NAA60: variants seen among roughly 807,000 people sequenced by gnomAD.
The protein encoded by NAA60 is N-alpha-acetyltransferase 60, NatF catalytic subunit.
NAA60 carries 8 observed loss-of-function variants against 26.1 expected under a neutral mutation model. That is an observed-to-expected ratio of 0.31 (90% confidence interval 0.18 to 0.55). NAA60 has a LOEUF of 0.55. NAA60 is among the 20% of genes least tolerant of loss of function. NAA60 has a pLI of 0.93. For missense variants in NAA60, 290 were observed against 311.3 expected (o/e 0.93, Z 0.51); for synonymous variants, 131 against 122.5 (o/e 1.07, Z -0.46).
At chr16:3,444,601 C>A (rs1317506099) in intron 1 of NAA60, among the ~76,000 whole-genome samples, 1 of 152,062 alleles carries the variant, frequency 6.6e-6, no homozygotes, top group Non-Finnish European at 1.5e-5. Context: ...GATTTGACAA[C>A]TTAGGTAATG....
chr16:3,482,712 C>G, intron 5 of NAA60, 114 bp downstream of exon 5: 1 of 747,220 alleles, frequency 1.3e-6, no homozygotes, highest in Non-Finnish European at 2.2e-6. Context: ...GGCTCGTGAA[C>G]ATCCCTCAGT....
At chr16:3,471,452 G>A (rs1465641427) in intron 2 of NAA60, among the ~76,000 whole-genome samples, 2 of 152,100 alleles carry the variant, frequency 1.3e-5, no homozygotes, top group South Asian at 2.1e-4. Context: ...GCAGTGAACC[G>A]AGATCGCGCC....
At chr16:3,444,031 G>GCAAC in intron 1 of NAA60, 194 bp downstream of exon 1, 3 of 1,102,728 alleles carry the variant, frequency 2.7e-6, no homozygotes, top group Non-Finnish European at 3.5e-6. Context: ...AGGCCAGGTT[G>GCAAC]CTGGACTCTG....
At chr16:3,448,734 G>C in intron 2 of NAA60, 194 bp downstream of exon 2, 1 of 542,124 alleles carries the variant, frequency 1.8e-6, no homozygotes, top group Non-Finnish European at 3.3e-6. Context: ...ATATTCTTAC[G>C]TTAGGTACAC....
chr16:3,479,584 C>A lies in NAA60; in HGVS notation c.224C>A (p.Thr75Asn), dbSNP rs1231614501. 1 of 1,613,950 alleles carries A rather than the reference C, an allele frequency of 6.2e-7. No homozygotes were observed. Among genetic ancestry groups the A allele is most frequent in the Non-Finnish European group, 8.5e-7 (1 of 1,179,866 alleles). Residue 75 changes from threonine (T) to asparagine (N), a missense_variant, in exon 4 of 8, where the codon ACC becomes AAC. By Grantham distance (65) the Thr-to-Asn change is moderately conservative. Coordinates refer to ENST00000407558, the MANE Select transcript of NAA60 (RefSeq NM_001083601.3). ...ATAGTAGCTGAAATTAAGAACAGGA[C>A]CAAAATACATAAAGAGGTACGTACG... ...GMIVAEIKNR[T>N]KIHKEDGDIL... is the part of the protein sequence containing the mutation.
Position 3,449,656 on chromosome 16 carries a change from G to A in NAA60, c.-7+1116G>A, listed in dbSNP as rs988777441. 5.3e-5 allele frequency among the ~76,000 whole-genome samples: 8 copies of A among 152,298 alleles called. No homozygotes were observed. In the East Asian group the frequency reaches 1.5e-3, roughly 29 times the overall value. On this transcript the variant is annotated intron_variant, in intron 2 of 7. Coordinates refer to ENST00000407558, the MANE Select transcript of NAA60 (RefSeq NM_001083601.3). ...GCTGAGATCGCACCACTGCACTCCA[G>A]CCTGGGTGACAGAGCGAGACCCCAT...
At position 3,464,828 on chromosome 16, in the gene NAA60, A is replaced by G. The variant is rs555336206; in HGVS notation, c.-6-11394A>G. Among the ~76,000 whole-genome samples the G allele has an allele frequency of 2.0e-5, 3 of 152,316 alleles. No homozygotes were observed. The South Asian group carries it at 6.2e-4, about 32-fold the overall frequency. On this transcript the variant is annotated intron_variant, in intron 2 of 7. Transcript: ENST00000407558. Reference sequence around the variant, plus strand: ...ATCAGGCGGTTGCCTGCAAGATCCCAGCTGAAAGCATCGCTGGGACAAAGG... The same window carrying G: ...ATCAGGCGGTTGCCTGCAAGATCCCGGCTGAAAGCATCGCTGGGACAAAGG...
At chr16:3,458,703 C>G (rs952511277) in intron 2 of NAA60, among the ~76,000 whole-genome samples, 7 of 152,164 alleles carry the variant, frequency 4.6e-5, no homozygotes, top group African/African-American at 1.2e-4. Context: ...GCCAGGGGCT[C>G]CGTCTAGGTC....
chr16:3,463,744 G>A (rs1169754420), intron 2 of NAA60, among the ~76,000 whole-genome samples: 5 of 151,632 alleles, frequency 3.3e-5, no homozygotes, highest in Admixed American at 6.6e-5. Flanking sequence ...GGTGGCTTGT[G>A]CCTGTAATCC....
intron 2 of NAA60, among the ~76,000 whole-genome samples, chr16:3,451,893 G>A (rs2034800207): frequency 6.6e-6 from 1 of 151,780 alleles, no homozygotes; most frequent in African/African-American, 2.4e-5. Flanking sequence ...ATTCCAGCCT[G>A]GGGGACAGAG....
chr16:3,461,353 T>A (rs2035381588), intron 2 of NAA60, among the ~76,000 whole-genome samples: 1 of 152,144 alleles, frequency 6.6e-6, no homozygotes, highest in East Asian at 1.9e-4. Context: ...AGTGCCCCCC[T>A]GCGGAGGTGG....
intron 2 of NAA60, among the ~76,000 whole-genome samples, chr16:3,453,769 G>A (rs1461094151): frequency 6.6e-6 from 1 of 152,166 alleles, no homozygotes; most frequent in Non-Finnish European, 1.5e-5. Context: ...CAGAACGTAT[G>A]CAGATTTGTG....
chr16:3,484,675 G>C, intron 6 of NAA60, 24 bp from the exon 7 acceptor site: 2 of 1,574,022 alleles, frequency 1.3e-6, no homozygotes, highest in Non-Finnish European at 1.7e-6. Flanking sequence ...GGGCAAGTCG[G>C]AATCTTCCTT....
Position 3,485,542 on chromosome 16 carries a change from C to T in NAA60, c.*282C>T, listed in dbSNP as rs1180508564. ...CCCTGCCCCCCTGCGCATGCACCGTCCCCAGGGCTGACCCAGTGTGGCTGC... is the reference window on the plus strand; with the variant it reads ...CCCTGCCCCCCTGCGCATGCACCGTTCCCAGGGCTGACCCAGTGTGGCTGC... On this transcript the variant is annotated 3_prime_UTR_variant, in exon 8 of 8. Coordinates refer to ENST00000407558, the MANE Select transcript of NAA60 (RefSeq NM_001083601.3). 2 of 454,976 alleles carry T rather than the reference C, an allele frequency of 4.4e-6. No individual in the cohort carries two copies. Among genetic ancestry groups the T allele is most frequent in the African/African-American group, 2.0e-5 (1 of 50,194 alleles). 28.2% of individuals were successfully genotyped at this position (454,976 alleles called of 1,614,324 possible).
intron 2 of NAA60, chr16:3,472,041 C>T (rs950245101): frequency 1.3e-5 from 2 of 152,212 alleles, no homozygotes; most frequent in African/African-American, 4.8e-5. Context: ...GGGAGCCTGC[C>T]CTCAGCTGGC....
chr16:3,468,813 T>C (rs2035930568), intron 2 of NAA60, among the ~76,000 whole-genome samples: 1 of 152,176 alleles, frequency 6.6e-6, no homozygotes, highest in African/African-American at 2.4e-5. Flanking sequence ...CGGTAGCTCA[T>C]GCCTGTAATC....
chr16:3,462,564 C>T (rs185963445), intron 2 of NAA60: 5 of 152,256 alleles, frequency 3.3e-5, no homozygotes, highest in African/African-American at 7.2e-5. Flanking sequence ...TCTGGCCTCC[C>T]GTTTTTAACC....
chr16:3,444,130 C>G (rs539479533), intron 1 of NAA60, among the ~76,000 whole-genome samples: 2 of 152,264 alleles, frequency 1.3e-5, no homozygotes, highest in East Asian at 3.9e-4. Flanking sequence ...GGATCCCACG[C>G]GAGAATAGAG....
At chr16:3,459,694 G>T (rs1427845853) in intron 2 of NAA60, among the ~76,000 whole-genome samples, 1 of 152,198 alleles carries the variant, frequency 6.6e-6, no homozygotes, top group Non-Finnish European at 1.5e-5. Context: ...GGTTTACACT[G>T]AAAGTAGCAA....
Sources: gnomAD v4.1 joint callset for allele counts (sites outside exome capture counted in the v4.1 genomes callset) on GRCh38, gnomAD v4.1.1 for gene constraint, MANE v1.5 for transcripts, NCBI Gene and HGNC (gene_info 2026-07-23, HGNC 2026-07-21) for gene names.